Variants in SOS1 observed in about 807,000 individuals in gnomAD.
The protein encoded by SOS1 is son of sevenless homolog 1.
Under a neutral mutation model 157.6 loss-of-function variants are expected in SOS1, and 25 were observed. The ratio of observed to expected loss-of-function variants is 0.16; its 90% confidence interval spans 0.12 to 0.22. The LOEUF (loss-of-function observed/expected upper bound fraction) is 0.22, where lower values mean the gene tolerates loss of function less well. Ranked by LOEUF, SOS1 falls within the 10% of genes least tolerant of loss-of-function variation. SOS1 has a pLI of 1.00. For synonymous variants in SOS1, 528 were observed against 534.0 expected (o/e 0.99, Z 0.16); for missense variants, 1,237 against 1,599.1 (o/e 0.77, Z 3.86).
rs576330073 is a variant in SOS1, at chr2:39,107,397, T to C, written c.87+12939A>G. 3.1e-4 allele frequency among the ~76,000 whole-genome samples: 47 copies of C among 152,268 alleles called. No individual in the cohort carries two copies. The South Asian group carries it at 9.1e-3, about 30-fold the overall frequency. On this transcript the variant is annotated intron_variant, in intron 1 of 22. Transcript: ENST00000402219. ...CAACAGGCACCTTTCACTCAAAGAC[T>C]TTCTGAGGCCTTGCAAACTTTCCTT...
intron 8 of SOS1, chr2:39,034,710 A>G: frequency 2.5e-6 from 1 of 407,660 alleles, no homozygotes; most frequent in Non-Finnish European, 5.0e-6. Flanking sequence ...TTTCTAAAGT[A>G]ATGATAAACA....
intron 10 of SOS1, among the ~76,000 whole-genome samples, chr2:39,020,923 C>T (rs1669775101): frequency 6.6e-6 from 1 of 151,578 alleles, no homozygotes; most frequent in Non-Finnish European, 1.5e-5. Flanking sequence ...AGCCACAACA[C>T]TGGCCTTTTA....
chr2:39,035,182 G>A, intron 8 of SOS1, 30 bp downstream of exon 8: 1 of 1,468,964 alleles, frequency 6.8e-7, no homozygotes, highest in Non-Finnish European at 9.5e-7. Context: ...ACTTGAATAT[G>A]TTACAAATAA....
intron 1 of SOS1, among the ~76,000 whole-genome samples, chr2:39,113,253 C>T (rs1673508304): frequency 6.6e-6 from 1 of 152,000 alleles, no homozygotes; most frequent in South Asian, 2.1e-4. Flanking sequence ...TGCAGTAGCC[C>T]AATCATAGCT....
intron 21 of SOS1, among the ~76,000 whole-genome samples, chr2:38,988,075 C>T (rs1163459796): frequency 6.6e-6 from 1 of 152,120 alleles, no homozygotes; most frequent in African/African-American, 2.4e-5. Flanking sequence ...CCTAGCATTT[C>T]TCTCAAAGGA....
chr2:39,087,971 C>T (rs544540826), intron 1 of SOS1, among the ~76,000 whole-genome samples: 14 of 151,236 alleles, frequency 9.3e-5, no homozygotes, highest in African/African-American at 2.4e-4. Flanking sequence ...CTGCACCCAG[C>T]CGAAAGTGCT....
chr2:39,013,943 T>G lies in SOS1; in HGVS notation c.1987A>C (p.Ile663Leu), dbSNP rs730881024. The change falls in exon 12 of 23, where the codon ATA becomes CTA. Residue 663 changes from isoleucine (I) to leucine (L), a missense_variant. By Grantham distance (5) the Ile-to-Leu change is conservative. Around this residue, in one of 15 missense-constraint regions of SOS1, gnomAD observed 55 missense variants for 43.1 expected, o/e 1.27. Transcript: ENST00000402219. ...CTCAAGGGTTGATCTCCATTCTCTA[T>G]AGCTATGCGATCAGCTTCTGTTGGC... ...PEPTEADRIA[I>L]ENGDQPLSAE... is the part of the protein sequence containing the mutation. The G allele has an allele frequency of 1.2e-6, 2 of 1,603,518 alleles. No homozygotes were observed. The highest frequency in any genetic ancestry group is 1.7e-6 in the Non-Finnish European group (2 of 1,170,980).
chr2:38,997,322 T>C lies in SOS1; in HGVS notation c.2895A>G (p.Ala965=). The C allele has an allele frequency of 2.5e-6, 4 of 1,613,224 alleles. No individual in the cohort carries two copies. Among genetic ancestry groups the C allele is most frequent in the Non-Finnish European group, 3.4e-6 (4 of 1,179,332 alleles). Residue 965 remains alanine, a synonymous_variant, in exon 18 of 23, where the codon GCA becomes GCG. Transcript: ENST00000402219. The part of the protein sequence containing the change: ...LINFSKRRKV[A]EITGEIQQYQ... ...ACTGCTGGATCTCTCCTGTTATTTC[T>C]GCTACTTTCCTCCTTTTGCTAAAGT...
intron 1 of SOS1, among the ~76,000 whole-genome samples, chr2:39,101,177 G>C (rs954193699): frequency 6.6e-6 from 1 of 152,166 alleles, no homozygotes; most frequent in Non-Finnish European, 1.5e-5. Context: ...CATGGCAAGA[G>C]AGAGGGGAAG....
upstream of SOS1, among the ~76,000 whole-genome samples, chr2:39,123,631 T>G (rs1673973052): frequency 6.6e-6 from 1 of 152,218 alleles, no homozygotes; most frequent in Non-Finnish European, 1.5e-5. Context: ...GTGCTGGGAC[T>G]ACAGGCGTGA....
chr2:39,063,462 G>C (rs1671481133), intron 2 of SOS1, among the ~76,000 whole-genome samples: 1 of 152,204 alleles, frequency 6.6e-6, no homozygotes, highest in African/African-American at 2.4e-5. Context: ...GGAAACTGAA[G>C]CACGACTCTA....
At chr2:39,042,214 T>G (rs1009911189) in intron 6 of SOS1, among the ~76,000 whole-genome samples, 4 of 152,120 alleles carry the variant, frequency 2.6e-5, no homozygotes, top group African/African-American at 9.7e-5. Flanking sequence ...AACTTGTTCT[T>G]CCTCAAAATT....
At chr2:39,047,578 TAAGTC>T (rs1469485968) in intron 6 of SOS1, among the ~76,000 whole-genome samples, 1 of 152,180 alleles carries the variant, frequency 6.6e-6, no homozygotes, top group Non-Finnish European at 1.5e-5. Context: ...AGTACCTACT[TAAGTC>T]TTTTGCCTAT....
chr2:39,098,306 A>C (rs550793653), intron 1 of SOS1: 8 of 252,526 alleles, frequency 3.2e-5, no homozygotes, highest in Non-Finnish European at 6.2e-5. Context: ...AGTCTGATCC[A>C]ACATCTACTG....
intron 20 of SOS1, among the ~76,000 whole-genome samples, chr2:38,994,117 C>T (rs767819691): frequency 4.6e-5 from 7 of 151,990 alleles, no homozygotes; most frequent in African/African-American, 7.3e-5. Context: ...GTAAAATGCA[C>T]GCTGGATTTT....
chr2:39,052,197 T>C (rs559603262), intron 5 of SOS1, among the ~76,000 whole-genome samples: 1 of 152,204 alleles, frequency 6.6e-6, no homozygotes, highest in Non-Finnish European at 1.5e-5. Flanking sequence ...CAACAAATGA[T>C]AGTTTCTTAA....
chr2:39,015,192 T>C (rs1669592091), intron 10 of SOS1, among the ~76,000 whole-genome samples: 1 of 151,652 alleles, frequency 6.6e-6, no homozygotes. Flanking sequence ...CCAGTTGGTT[T>C]ATCCCCCTTA....
chr2:39,007,936 A>C (rs1307345160), intron 15 of SOS1, among the ~76,000 whole-genome samples: 1 of 152,190 alleles, frequency 6.6e-6, no homozygotes, highest in South Asian at 2.1e-4. Flanking sequence ...TTGGTAAGAG[A>C]GGGGAGAGAG....
chr2:39,055,039 A>C (rs1459259803), intron 4 of SOS1, among the ~76,000 whole-genome samples: 2 of 152,202 alleles, frequency 1.3e-5, no homozygotes, highest in Admixed American at 1.3e-4. Flanking sequence ...CAAGTTCTCT[A>C]TCACTACTAG....
Sources: allele counts gnomAD v4.1 joint callset (sites outside exome capture counted in the v4.1 genomes callset), GRCh38; gene constraint gnomAD v4.1.1; regional missense constraint gnomAD v4.1.1; transcripts MANE v1.5; gene names NCBI Gene and HGNC (gene_info 2026-07-23, HGNC 2026-07-21).